The following PRKN variants were observed in gnomAD, a reference collection of about 807,000 sequenced individuals.
The protein encoded by PRKN is parkin RBR E3 ubiquitin protein ligase, also known as E3 ubiquitin-protein ligase parkin.
PRKN carries 56 observed loss-of-function variants against 59.5 expected under a neutral mutation model. That is an observed-to-expected ratio of 0.94 (90% CI 0.76 to 1.18). The LOEUF (loss-of-function observed/expected upper bound fraction) is 1.18, where lower values mean the gene tolerates loss of function less well. Ranked by LOEUF, PRKN falls within the 50% of genes most tolerant of loss-of-function variation. The pLI is 0.00. For missense variants in PRKN, 657 were observed against 596.4 expected, an observed-to-expected ratio of 1.10 and a Z score of -1.06; for synonymous variants, 250 against 222.1, an observed-to-expected ratio of 1.13 and a Z score of -1.12.
intron 1 of PRKN, among the ~76,000 whole-genome samples, chr6:162,699,503 A>G (rs2803081): frequency 0.92 from 139,385 of 152,192 alleles, 63,997 homozygotes; most frequent in East Asian, 0.98. Context: ...AAAGAGCTTA[A>G]GCTTACTATG....
intron 2 of PRKN, among the ~76,000 whole-genome samples, chr6:162,440,698 C>T (rs771247510): frequency 6.6e-6 from 1 of 152,034 alleles, no homozygotes; most frequent in Non-Finnish European, 1.5e-5. Context: ...CTTCAGGACA[C>T]CAAGGTGTAT....
intron 4 of PRKN, among the ~76,000 whole-genome samples, chr6:162,107,491 T>A (rs1195559641): frequency 6.6e-6 from 1 of 152,204 alleles, no homozygotes; most frequent in East Asian, 1.9e-4. Flanking sequence ...TAAAAAGTTG[T>A]ACCAAGTAGT....
intron 7 of PRKN, among the ~76,000 whole-genome samples, chr6:161,694,154 G>T (rs772401954): frequency 3.3e-5 from 5 of 152,094 alleles, no homozygotes; most frequent in Non-Finnish European, 7.3e-5. Flanking sequence ...AGGTTACAGA[G>T]AACTTTTGAT....
At chr6:161,954,696 A>G (rs146680712) in intron 6 of PRKN, among the ~76,000 whole-genome samples, 2 of 152,322 alleles carry the variant, frequency 1.3e-5, no homozygotes, top group East Asian at 1.9e-4. Context: ...AAAGGGTGAC[A>G]CCTATTAAAC....
At chr6:161,481,149 T>A (rs1185330372) in intron 9 of PRKN, among the ~76,000 whole-genome samples, 1 of 152,222 alleles carries the variant, frequency 6.6e-6, no homozygotes, top group Non-Finnish European at 1.5e-5. Context: ...TTTCTACATA[T>A]TCCTTAAAAG....
At chr6:162,016,920 T>A (rs1201521442) in intron 5 of PRKN, among the ~76,000 whole-genome samples, 1 of 152,000 alleles carries the variant, frequency 6.6e-6, no homozygotes, top group Admixed American at 6.6e-5. Context: ...ACACGCCAAC[T>A]CCACCTTCCG....
intron 1 of PRKN, among the ~76,000 whole-genome samples, chr6:162,506,011 A>G (rs4605859): frequency 0.3 from 45,762 of 151,990 alleles, 7,543 homozygotes; most frequent in Middle Eastern, 0.37. Flanking sequence ...AAAGGAAGGG[A>G]GCTTTAACTG....
chr6:161,895,232 C>A (rs1296472947), intron 6 of PRKN, among the ~76,000 whole-genome samples: 1 of 152,178 alleles, frequency 6.6e-6, no homozygotes, highest in Non-Finnish European at 1.5e-5. Flanking sequence ...TAAAGCTTTG[C>A]TCCAGCTTCA....
chr6:162,540,536 G>A (rs756392173), intron 1 of PRKN, among the ~76,000 whole-genome samples: 2 of 152,082 alleles, frequency 1.3e-5, no homozygotes, highest in Non-Finnish European at 2.9e-5. Context: ...GGCTGGGCGT[G>A]GTGGCTCATG....
rs115073391 is a variant in PRKN at position 161,888,412 on chromosome 6, T to A, written c.734+84890A>T. On this transcript the variant is annotated intron_variant, in intron 6 of 11. Transcript: ENST00000366898. ...AATGTTCTCACAACACATTCATTCA[T>A]CCAAACTGGCCTCAATCTTTTTCTC... Among the ~76,000 whole-genome samples, 825 of 152,280 alleles carry A rather than the reference T, an allele frequency of 5.4e-3. 5 individuals carry two copies. The highest frequency in any genetic ancestry group is 0.019 in the African/African-American group (801 of 41,550).
chr6:162,158,792 C>T lies in PRKN; in HGVS notation c.534+42339G>A, dbSNP rs116754153. 8.9e-3 allele frequency among the ~76,000 whole-genome samples: 1,355 copies of T among 152,026 alleles called. 38 individuals carry two copies. Among genetic ancestry groups the T allele is most frequent in the African/African-American group, 0.031 (1,277 of 41,352 alleles). ...TTCCTCCTCCCGCCTTCATCCAACA[C>T]GGTTTGTGGTCCATGTTACTTGGGA... On this transcript the variant is annotated intron_variant, in intron 4 of 11. Transcript: ENST00000366898.
intron 2 of PRKN, among the ~76,000 whole-genome samples, chr6:162,341,317 A>T (rs943888858): frequency 6.6e-6 from 1 of 152,144 alleles, no homozygotes; most frequent in African/African-American, 2.4e-5. Flanking sequence ...TGGGAGTGTA[A>T]ATTAGTTCAA....
At chr6:162,717,631 G>C (rs1778780491) in intron 1 of PRKN, among the ~76,000 whole-genome samples, 3 of 148,346 alleles carry the variant, frequency 2.0e-5, no homozygotes, top group Admixed American at 6.7e-5. Flanking sequence ...AAATAAATTT[G>C]TGTTTAAAAG....
At chr6:162,030,345 A>C (rs984201590) in intron 5 of PRKN, among the ~76,000 whole-genome samples, 2 of 152,160 alleles carry the variant, frequency 1.3e-5, no homozygotes, top group African/African-American at 4.8e-5. Flanking sequence ...AGGTACTCTG[A>C]ATGTAAAACG....
intron 6 of PRKN, among the ~76,000 whole-genome samples, chr6:161,839,945 A>G (rs1272169844): frequency 1.3e-5 from 2 of 152,202 alleles, no homozygotes; most frequent in East Asian, 1.9e-4. Flanking sequence ...GACATATTCA[A>G]TTTTGCTTTT....
At chr6:162,323,026 T>C in intron 2 of PRKN, among the ~76,000 whole-genome samples, 1 of 130,900 alleles carries the variant, frequency 7.6e-6, no homozygotes. Flanking sequence ...AACAATGAGA[T>C]CACATGGACA....
chr6:161,588,885 CT>C lies in PRKN; in HGVS notation c.872-19470del, dbSNP rs557650414. Among the ~76,000 whole-genome samples the C allele has an allele frequency of 2.6e-5, 4 of 150,980 alleles. No individual in the cohort carries two copies. The highest frequency in any genetic ancestry group is 1.9e-4 in the East Asian group (1 of 5,142). On this transcript the variant is annotated intron_variant, in intron 7 of 11. Coordinates refer to ENST00000366898, the MANE Select transcript of PRKN (RefSeq NM_004562.3). This position sits in a 1 kb window ranked among gnomAD's most constrained non-coding sequence, Gnocchi z 5.0. ...TTGAGTTTCAGTAAAGTACCAAGTC[CT>C]TTTTTTTTAGCCTAAGCCTGACCCA...
chr6:162,469,011 T>C (rs1791576174), intron 1 of PRKN, among the ~76,000 whole-genome samples: 1 of 152,108 alleles, frequency 6.6e-6, no homozygotes, highest in Non-Finnish European at 1.5e-5. Flanking sequence ...GAATCCAAAA[T>C]ACCAACTACA....
intron 6 of PRKN, among the ~76,000 whole-genome samples, chr6:161,792,805 A>C (rs921449789): frequency 6.6e-6 from 1 of 152,220 alleles, no homozygotes; most frequent in Non-Finnish European, 1.5e-5. Flanking sequence ...GATTAGATAA[A>C]AGTAATTAAA....
Sources: allele counts gnomAD v4.1 joint callset (sites outside exome capture counted in the v4.1 genomes callset), GRCh38; gene constraint gnomAD v4.1.1; non-coding constraint Gnocchi (gnomAD v3.1); transcripts MANE v1.5; gene names NCBI Gene and HGNC (gene_info 2026-07-23, HGNC 2026-07-21).